The following RBFOX3 variants were observed in gnomAD, a reference collection of about 807,000 sequenced individuals.
RBFOX3 encodes RNA binding protein fox-1 homolog 3.
RBFOX3 carries 17 observed loss-of-function variants against 48.7 expected under a neutral mutation model. The observed-to-expected ratio is 0.35, with a 90% CI of 0.24 to 0.52. The LOEUF (loss-of-function observed/expected upper bound fraction) is 0.52. Among genes scored for constraint, RBFOX3 ranks in the 20% least tolerant of loss-of-function variants. RBFOX3 has a pLI of 0.94. For missense variants in RBFOX3, 382 were observed against 497.5 expected (o/e 0.77, Z 2.21); for synonymous variants, 212 against 209.5 (o/e 1.01, Z -0.10).
At chr17:79,585,653 A>G (rs2093226126) in intron 1 of RBFOX3, among the ~76,000 whole-genome samples, 1 of 152,202 alleles carries the variant, frequency 6.6e-6, no homozygotes, top group Non-Finnish European at 1.5e-5. Flanking sequence ...ATGAGCTGGC[A>G]CTTGGGTATT....
At chr17:79,416,325 C>T (rs72852479) in intron 2 of RBFOX3, among the ~76,000 whole-genome samples, 21,775 of 152,164 alleles carry the variant, frequency 0.14, 1,741 homozygotes, top group Non-Finnish European at 0.18. Context: ...GGCCATGGCC[C>T]CTGCCAAACC....
At chr17:79,521,571 T>C (rs2086106120) in intron 1 of RBFOX3, among the ~76,000 whole-genome samples, 1 of 151,460 alleles carries the variant, frequency 6.6e-6, no homozygotes, top group African/African-American at 2.4e-5. Context: ...CACAGAAACA[T>C]ACTCCACAGA....
intron 1 of RBFOX3, among the ~76,000 whole-genome samples, chr17:79,549,791 T>G (rs1555793071): frequency 6.6e-6 from 1 of 152,234 alleles, no homozygotes; most frequent in Non-Finnish European, 1.5e-5. Context: ...GCTCAGCAGC[T>G]GTGGTCACAG....
At chr17:79,560,402 G>C (rs2092132529) in intron 1 of RBFOX3, among the ~76,000 whole-genome samples, 1 of 152,168 alleles carries the variant, frequency 6.6e-6, no homozygotes, top group African/African-American at 2.4e-5. Context: ...CTGTCCTGCT[G>C]GCGGAAGGTG....
At chr17:79,618,204 A>G in the RBFOX3 span, among the ~76,000 whole-genome samples, 54,513 of 152,082 alleles carry the variant, frequency 0.36, 9,800 homozygotes, top group East Asian at 0.43. Context: ...CCTAAAAAAC[A>G]CACAAGTGGA....
At chr17:79,182,760 GCCCACCTCC>G (rs1479932545) in intron 4 of RBFOX3, among the ~76,000 whole-genome samples, 20 of 151,448 alleles carry the variant, frequency 1.3e-4, no homozygotes, top group African/African-American at 4.4e-4. Flanking sequence ...CAGGCGGGTG[GCCCACCTCC>G]CCCGCCTCCC....
chr17:79,404,431 C>T (rs2063280483), intron 2 of RBFOX3, among the ~76,000 whole-genome samples: 1 of 152,256 alleles, frequency 6.6e-6, no homozygotes, highest in Non-Finnish European at 1.5e-5. Context: ...CCCCAGGCCA[C>T]ACGGCCCCAC....
chr17:79,494,704 A>G (rs929262639), intron 1 of RBFOX3, among the ~76,000 whole-genome samples: 8 of 152,226 alleles, frequency 5.3e-5, no homozygotes, highest in African/African-American at 1.9e-4. Flanking sequence ...CAAGGAGGCC[A>G]GAGGGCCTGA....
intron 1 of RBFOX3, among the ~76,000 whole-genome samples, chr17:79,517,150 A>G (rs992695750): frequency 7.9e-5 from 12 of 152,148 alleles, no homozygotes; most frequent in Non-Finnish European, 1.5e-4. Flanking sequence ...TTTTATCACA[A>G]TAAGAAAAAG....
intron 3 of RBFOX3, among the ~76,000 whole-genome samples, chr17:79,296,211 A>G (rs2074307309): frequency 6.6e-6 from 1 of 152,186 alleles, no homozygotes; most frequent in Admixed American, 6.5e-5. Context: ...ATACAAAAGA[A>G]CTTTTTAAAA....
Position 79,363,118 on chromosome 17 carries a change from G to T in RBFOX3, c.-174-55294C>A, listed in dbSNP as rs1191359443. ...TGGGCCATAGTGAGCCGCAGGGGAG[G>T]CACGTGGCTCCTGCAGGGGAGATGG... On this transcript the variant is annotated intron_variant, in intron 2 of 14. Coordinates refer to ENST00000693108, the MANE Select transcript of RBFOX3 (RefSeq NM_001350451.2). This position sits in a 1 kb window ranked among gnomAD's most constrained non-coding sequence, Gnocchi z 4.7. Among the ~76,000 whole-genome samples, 2 of 152,174 alleles carry T rather than the reference G, an allele frequency of 1.3e-5. No homozygotes were observed. The highest frequency in any genetic ancestry group is 2.9e-5 in the Non-Finnish European group (2 of 68,032).
chr17:79,117,140 C>T (rs1364781837), intron 4 of RBFOX3, among the ~76,000 whole-genome samples: 2 of 152,230 alleles, frequency 1.3e-5, no homozygotes, highest in Non-Finnish European at 2.9e-5. Flanking sequence ...GCCTGGGGCC[C>T]AGGACCCCCT....
intron 4 of RBFOX3, among the ~76,000 whole-genome samples, chr17:79,168,416 AC>A (rs2048461657): frequency 6.6e-6 from 1 of 152,278 alleles, no homozygotes; most frequent in Non-Finnish European, 1.5e-5. Flanking sequence ...ACATTTTGTG[AC>A]CTTATCTTAG....
chr17:79,169,669 C>T (rs2048738842), intron 4 of RBFOX3, among the ~76,000 whole-genome samples: 1 of 152,310 alleles, frequency 6.6e-6, no homozygotes, highest in African/African-American at 2.4e-5. Context: ...TCCACAGAGG[C>T]TGGCAGGAAG....
In RBFOX3 at chr17:79,095,518, G is replaced by C. The variant is rs551189632; in HGVS notation, c.993C>G (p.Ser331Arg). ...GTGCTGGCCCCCGGCCTCACCTGTC[G>C]CTGTAGGCTGCCGCCGCTGCAGCGG... ...AQPAAAAAAY[S>R]DSYGRVYAAA... The change falls in exon 13 of 15, where the codon AGC becomes AGG. Residue 331 changes from serine to arginine, a missense_variant. By Grantham distance (110) the Ser-to-Arg change is moderately radical. Coordinates refer to ENST00000693108, the MANE Select transcript of RBFOX3 (RefSeq NM_001350451.2). 1 of 1,551,130 alleles carries C rather than the reference G, an allele frequency of 6.4e-7. No individual in the cohort carries two copies. Among genetic ancestry groups the C allele is most frequent in the African/African-American group, 1.4e-5 (1 of 73,050 alleles).
chr17:79,100,836 G>A (rs899096843), intron 9 of RBFOX3, among the ~76,000 whole-genome samples: 3 of 152,184 alleles, frequency 2.0e-5, no homozygotes, highest in Non-Finnish European at 2.9e-5. Context: ...AGCACTTAGC[G>A]TCGGCAGATC....
intron 4 of RBFOX3, among the ~76,000 whole-genome samples, chr17:79,118,155 T>C (rs1276192561): frequency 6.7e-6 from 1 of 149,240 alleles, no homozygotes; most frequent in Non-Finnish European, 1.5e-5. Flanking sequence ...CTCGCCACCC[T>C]GCGACAGACT....
At chr17:79,607,892 C>T (rs1349473351) in intron 1 of RBFOX3, among the ~76,000 whole-genome samples, 2 of 152,242 alleles carry the variant, frequency 1.3e-5, no homozygotes, top group African/African-American at 2.4e-5. Context: ...CCATCAGCCA[C>T]GCTCCAAGTT....
At chr17:79,334,163 C>G (rs936203302) in intron 2 of RBFOX3, among the ~76,000 whole-genome samples, 1 of 152,224 alleles carries the variant, frequency 6.6e-6, no homozygotes. Context: ...GGCCCCAGTT[C>G]CTTCCCCACA....
Sources: allele counts gnomAD v4.1 joint callset (sites outside exome capture counted in the v4.1 genomes callset), GRCh38; gene constraint gnomAD v4.1.1; non-coding constraint Gnocchi (gnomAD v3.1); transcripts MANE v1.5; gene names NCBI Gene and HGNC (gene_info 2026-07-23, HGNC 2026-07-21).